Variants in UBASH3A observed in about 807,000 individuals in gnomAD.
UBASH3A encodes ubiquitin-associated and SH3 domain-containing protein A.
UBASH3A carries 63 observed loss-of-function variants against 73.5 expected under a neutral mutation model. The observed-to-expected ratio is 0.86, with a 90% CI of 0.70 to 1.06. The LOEUF is 1.06. UBASH3A is among the 50% of genes least tolerant of loss of function. The pLI is 0.00. For synonymous variants in UBASH3A, 363 were observed against 351.1 expected (o/e 1.03, Z -0.38); for missense variants, 860 against 859.0 (o/e 1.00, Z -0.02).
intron 6 of UBASH3A, among the ~76,000 whole-genome samples, chr21:42,417,819 C>T (rs957340358): frequency 2.7e-5 from 4 of 150,750 alleles, no homozygotes. Flanking sequence ...CAAAAAAGTA[C>T]CTAGATGGAT....
intron 14 of UBASH3A, among the ~76,000 whole-genome samples, chr21:42,444,867 A>G (rs1195416552): frequency 6.6e-6 from 1 of 152,188 alleles, no homozygotes; most frequent in Non-Finnish European, 1.5e-5. Flanking sequence ...GCCACTTGCC[A>G]ACTTTTTACC....
chr21:42,426,163 C>T (rs1272612542), intron 7 of UBASH3A, among the ~76,000 whole-genome samples: 1 of 152,138 alleles, frequency 6.6e-6, no homozygotes, highest in Non-Finnish European at 1.5e-5. Flanking sequence ...CATGGGACCC[C>T]AGTTCGTTTC....
intron 10 of UBASH3A, among the ~76,000 whole-genome samples, chr21:42,436,038 G>C (rs1381332195): frequency 3.9e-5 from 6 of 152,052 alleles, no homozygotes; most frequent in Admixed American, 2.0e-4. Context: ...TAAAATTATA[G>C]AGTTAGAGTT....
chr21:42,419,868 G>T (rs1244584840), intron 7 of UBASH3A, among the ~76,000 whole-genome samples: 1 of 152,222 alleles, frequency 6.6e-6, no homozygotes, highest in African/African-American at 2.4e-5. Flanking sequence ...TCGGCTTTGT[G>T]TTAGATTATT....
intron 2 of UBASH3A, among the ~76,000 whole-genome samples, chr21:42,408,952 A>ATAAAATAAAAT (rs2053035965): frequency 6.6e-6 from 1 of 151,420 alleles, no homozygotes; most frequent in African/African-American, 2.4e-5. Flanking sequence ...ATAAAATAAA[A>ATAAAATAAAAT]ACTGTCTGAA....
At chr21:42,425,075 C>T (rs969923682) in intron 7 of UBASH3A, among the ~76,000 whole-genome samples, 2 of 152,160 alleles carry the variant, frequency 1.3e-5, no homozygotes, top group African/African-American at 2.4e-5. Flanking sequence ...TTGTTATGGC[C>T]GCCCCAGGAA....
At chr21:42,412,930 T>G (rs2053128988) in intron 3 of UBASH3A, 94 bp from the exon 4 acceptor site, 1 of 1,062,314 alleles carries the variant, frequency 9.4e-7, no homozygotes, top group Non-Finnish European at 1.4e-6. Flanking sequence ...GAAAAGAATC[T>G]CACTTTAATT....
At chr21:42,434,603 G>C (rs2053594366) in intron 9 of UBASH3A, among the ~76,000 whole-genome samples, 1 of 152,160 alleles carries the variant, frequency 6.6e-6, no homozygotes, top group African/African-American at 2.4e-5. Flanking sequence ...ATAGTTCCTG[G>C]GGCTGAAACC....
At chr21:42,419,268 G>A (rs968990526) in intron 7 of UBASH3A, among the ~76,000 whole-genome samples, 1 of 152,222 alleles carries the variant, frequency 6.6e-6, no homozygotes, top group Admixed American at 6.5e-5. Context: ...ATCATCTGGT[G>A]AGGCTAAGGA....
At position 42,411,576 on chromosome 21, in the gene UBASH3A, C is replaced by T. The variant is rs577869911; in HGVS notation, c.355-1448C>T. ...GCATATGCAGACACACACACAGACACACACACATATAGACATATGCAGACA... is the reference window on the plus strand; with the variant it reads ...GCATATGCAGACACACACACAGACATACACACATATAGACATATGCAGACA... On this transcript the variant is annotated intron_variant, in intron 3 of 14. Transcript: ENST00000319294. 2.0e-5 allele frequency among the ~76,000 whole-genome samples: 3 copies of T among 152,268 alleles called. No homozygotes were observed. The East Asian group carries it at 5.8e-4, about 29-fold the overall frequency.
intron 13 of UBASH3A, among the ~76,000 whole-genome samples, chr21:42,444,090 G>A (rs895235171): frequency 6.6e-6 from 1 of 152,234 alleles, no homozygotes; most frequent in African/African-American, 2.4e-5. Flanking sequence ...GCAGGGACAA[G>A]CGTGTCTCCT....
chr21:42,444,071 C>T (rs939381844), intron 13 of UBASH3A, among the ~76,000 whole-genome samples: 2 of 152,266 alleles, frequency 1.3e-5, no homozygotes, highest in Non-Finnish European at 2.9e-5. Flanking sequence ...CACGCCTTCC[C>T]CTGAGCTGGC....
intron 5 of UBASH3A, among the ~76,000 whole-genome samples, chr21:42,415,434 C>A (rs2053181490): frequency 6.6e-6 from 1 of 152,226 alleles, no homozygotes; most frequent in Non-Finnish European, 1.5e-5. Context: ...TTCCCATTTG[C>A]CTCTAAAGGC....
intron 8 of UBASH3A, among the ~76,000 whole-genome samples, chr21:42,428,849 C>A (rs1338972662): frequency 6.6e-6 from 1 of 152,088 alleles, no homozygotes; most frequent in Non-Finnish European, 1.5e-5. Context: ...AGGGATTTCA[C>A]CCCTTCCCTA....
chr21:42,424,005 A>G (rs189748579), intron 7 of UBASH3A, among the ~76,000 whole-genome samples: 1 of 152,166 alleles, frequency 6.6e-6, no homozygotes, highest in Admixed American at 6.5e-5. Context: ...TTAAACATCT[A>G]AAGCTTTCAA....
At position 42,403,940 on chromosome 21, in the gene UBASH3A, G is replaced by A. The variant is rs2052911907; in HGVS notation, c.-6G>A. 11 of 1,499,034 alleles carry A rather than the reference G, an allele frequency of 7.3e-6. No homozygotes were observed. Among genetic ancestry groups the A allele is most frequent in the Admixed American group, 2.1e-5 (1 of 47,332 alleles). The allele number at this position is 1,499,034 out of a possible 1,614,324, so 92.9% of individuals were successfully genotyped here. A position where few individuals can be genotyped will look rare whatever the true frequency, so the allele number is the denominator to read the frequency against. The stretch of plus-strand genomic sequence containing the variant: ...GGCGAGCTTCTTGGCCTAAGGGCAG[G>A]AAGAGATGGCAGCGGGGGAGACGCA... On this transcript the variant is annotated 5_prime_UTR_variant, in exon 1 of 15. Coordinates refer to ENST00000319294, the MANE Select transcript of UBASH3A (RefSeq NM_018961.4).
intron 2 of UBASH3A, 123 bp downstream of exon 2, chr21:42,406,484 T>G: frequency 1.3e-6 from 1 of 770,280 alleles, no homozygotes; most frequent in Non-Finnish European, 2.2e-6. Context: ...ATGGGGCCAC[T>G]GCGGAAGTGA....
intron 1 of UBASH3A, 88 bp from the exon 2 acceptor site, chr21:42,406,220 C>T (rs1339238853): frequency 9.3e-7 from 1 of 1,078,768 alleles, no homozygotes; most frequent in South Asian, 1.2e-5. Context: ...CCCAAAGATC[C>T]TGGGTGTGCA....
At chr21:42,430,703 A>G (rs755938380) in intron 8 of UBASH3A, among the ~76,000 whole-genome samples, 3 of 152,054 alleles carry the variant, frequency 2.0e-5, no homozygotes, top group Non-Finnish European at 2.9e-5. Flanking sequence ...TCATCTTTCC[A>G]TGTTCATCCC....
Sources: allele counts gnomAD v4.1 joint callset (sites outside exome capture counted in the v4.1 genomes callset), GRCh38; gene constraint gnomAD v4.1.1; transcripts MANE v1.5; gene names NCBI Gene and HGNC (gene_info 2026-07-23, HGNC 2026-07-21).